The following MAPKAP1 variants were observed in gnomAD, a reference collection of about 807,000 sequenced individuals.
MAPKAP1 encodes the protein MAPK associated protein 1.
MAPKAP1 carries 20 observed loss-of-function variants against 65.7 expected under a neutral mutation model. The ratio of observed to expected loss-of-function variants is 0.30; its 90% CI spans 0.21 to 0.44. The LOEUF (loss-of-function observed/expected upper bound fraction) is 0.44. Among genes scored for constraint, MAPKAP1 ranks in the 20% least tolerant of loss-of-function variants. The probability of loss-of-function intolerance (pLI) is 1.00; values close to 1 mark genes in which losing one functional copy is unlikely to be tolerated. For missense variants in MAPKAP1, 423 were observed against 648.0 expected (o/e 0.65, Z 3.77); for synonymous variants, 222 against 244.3 (o/e 0.91, Z 0.85).
chr9:125,484,381 TC>T, intron 9 of MAPKAP1, 61 bp downstream of exon 9: 1 of 1,500,624 alleles, frequency 6.7e-7, no homozygotes, highest in Non-Finnish European at 8.9e-7. Flanking sequence ...GTTGTTTCTT[TC>T]CCCATTTCTA....
At chr9:125,660,705 T>TTC (rs1350768437) in intron 3 of MAPKAP1, among the ~76,000 whole-genome samples, 2 of 152,190 alleles carry the variant, frequency 1.3e-5, no homozygotes, top group Admixed American at 1.3e-4. Flanking sequence ...TCATCCTGAC[T>TTC]TCTCACATCC....
At position 125,564,210 on chromosome 9, in the gene MAPKAP1, T is replaced by C. The variant is rs117932240; in HGVS notation, c.672-4401A>G. Among the ~76,000 whole-genome samples, 54 of 152,332 alleles carry C rather than the reference T, an allele frequency of 3.5e-4. 1 individual carries two copies. In the East Asian group the frequency reaches 0.01, roughly 29 times the overall value. ...GGTGAGGATGAAAGGGGAATTTTTATAGTCCATCAAGATATGAATACTGGC... is the reference window on the plus strand; with the variant it reads ...GGTGAGGATGAAAGGGGAATTTTTACAGTCCATCAAGATATGAATACTGGC... On this transcript the variant is annotated intron_variant, in intron 5 of 11. Transcript: ENST00000265960.
At chr9:125,583,896 T>C (rs1010193201) in intron 5 of MAPKAP1, among the ~76,000 whole-genome samples, 10 of 152,142 alleles carry the variant, frequency 6.6e-5, no homozygotes, top group African/African-American at 2.4e-4. Context: ...ACCCCGTCTC[T>C]ACTAAAAATA....
At chr9:125,544,156 G>A (rs538968860) in intron 6 of MAPKAP1, among the ~76,000 whole-genome samples, 8 of 152,038 alleles carry the variant, frequency 5.3e-5, no homozygotes, top group South Asian at 2.1e-4. Context: ...GATTACAGGC[G>A]CCTGCCACCG....
intron 3 of MAPKAP1, among the ~76,000 whole-genome samples, chr9:125,667,595 T>C (rs1834377874): frequency 6.6e-6 from 1 of 152,210 alleles, no homozygotes; most frequent in African/African-American, 2.4e-5. Context: ...GTATTTTTAG[T>C]AGAAATGGGG....
At position 125,543,050 on chromosome 9, in the gene MAPKAP1, C is replaced by G; in HGVS notation, c.958+9G>C. ...CTACTACTGTGAGAATATGATTTAACTATCCCACCTGAAACTTTCTGGGAT... is the reference window on the plus strand; with the variant it reads ...CTACTACTGTGAGAATATGATTTAAGTATCCCACCTGAAACTTTCTGGGAT... On this transcript the variant is annotated intron_variant, in intron 7 of 11. Coordinates refer to ENST00000265960, the MANE Select transcript of MAPKAP1 (RefSeq NM_001006617.3). 6.4e-7 allele frequency: 1 copy of G among 1,560,194 alleles called. No individual in the cohort carries two copies. The highest frequency in any genetic ancestry group is 8.8e-7 in the Non-Finnish European group (1 of 1,130,772).
chr9:125,669,793 A>G lies in MAPKAP1; in HGVS notation c.349+25T>C, dbSNP rs779643984. 6 of 1,214,932 alleles carry G rather than the reference A, an allele frequency of 4.9e-6. No homozygotes were observed. In the East Asian group the frequency reaches 1.4e-4, roughly 29 times the overall value. The allele number at this position is 1,214,932 out of a possible 1,614,324, so 75.3% of individuals were successfully genotyped here. Reference sequence around the variant, plus strand: ...AAACTAAATATATAAATCTCAAATTAAGAATTAAAATCATTTCCATTTACC... The same window carrying G: ...AAACTAAATATATAAATCTCAAATTGAGAATTAAAATCATTTCCATTTACC... On this transcript the variant is annotated intron_variant, in intron 3 of 11. Coordinates refer to ENST00000265960, the MANE Select transcript of MAPKAP1 (RefSeq NM_001006617.3).
intron 6 of MAPKAP1, among the ~76,000 whole-genome samples, chr9:125,547,116 T>C (rs1830448208): frequency 6.6e-6 from 1 of 152,142 alleles, no homozygotes; most frequent in South Asian, 2.1e-4. Context: ...AAGAGACTCC[T>C]TGCTTGAGGA....
At chr9:125,575,579 C>T (rs146843471) in intron 5 of MAPKAP1, among the ~76,000 whole-genome samples, 149 of 152,254 alleles carry the variant, frequency 9.8e-4, no homozygotes, top group African/African-American at 3.5e-3. Flanking sequence ...CCAAAGAAGA[C>T]AAACGGTAAC....
intron 9 of MAPKAP1, among the ~76,000 whole-genome samples, chr9:125,474,982 C>T (rs1042613904): frequency 6.6e-6 from 1 of 152,184 alleles, no homozygotes; most frequent in South Asian, 2.1e-4. Context: ...TGAATATATA[C>T]AGCCAATCGA....
At chr9:125,658,893 T>C (rs927517875) in intron 3 of MAPKAP1, among the ~76,000 whole-genome samples, 1 of 152,104 alleles carries the variant, frequency 6.6e-6, no homozygotes, top group Non-Finnish European at 1.5e-5. Context: ...CACTTTAGCA[T>C]AGTCAAATTA....
chr9:125,495,397 T>C (rs550530788), intron 8 of MAPKAP1, among the ~76,000 whole-genome samples: 2 of 152,290 alleles, frequency 1.3e-5, no homozygotes, highest in South Asian at 4.2e-4. Context: ...ATGCCCTCAC[T>C]TAGAGCCCAG....
intron 10 of MAPKAP1, among the ~76,000 whole-genome samples, chr9:125,455,177 C>T (rs1853118676): frequency 6.6e-6 from 1 of 152,218 alleles, no homozygotes; most frequent in African/African-American, 2.4e-5. Context: ...TATGTAGCTT[C>T]TCTGAGCCCC....
Position 125,538,774 on chromosome 9 carries a change from C to G in MAPKAP1, c.958+4285G>C, listed in dbSNP as rs1039738799. On this transcript the variant is annotated intron_variant, in intron 7 of 11. Coordinates refer to ENST00000265960, the MANE Select transcript of MAPKAP1 (RefSeq NM_001006617.3). ...GCATCCTATTATTCTCCCTCTCAGC[C>G]TCTTATGTATACTCTTGCTCTAGAA... is the stretch of plus-strand genomic sequence containing the variant. 2.6e-5 allele frequency among the ~76,000 whole-genome samples: 4 copies of G among 152,128 alleles called. No individual in the cohort carries two copies. In the East Asian group the frequency reaches 5.8e-4, roughly 22 times the overall value.
At chr9:125,442,128 CAAAAAAAAAAAAAAA>C (rs71492449) in intron 11 of MAPKAP1, among the ~76,000 whole-genome samples, 3 of 38,756 alleles carry the variant, frequency 7.7e-5, no homozygotes, top group African/African-American at 2.9e-4. Flanking sequence ...GACTCTGTCT[CAAAAAAAAAAAAAAA>C]AAAAAAAAAA....
At chr9:125,645,184 T>C (rs1010892821) in intron 4 of MAPKAP1, among the ~76,000 whole-genome samples, 1 of 152,222 alleles carries the variant, frequency 6.6e-6, no homozygotes, top group Non-Finnish European at 1.5e-5. Context: ...AGCAGGCCTC[T>C]GCCCAGGCAG....
intron 5 of MAPKAP1, among the ~76,000 whole-genome samples, chr9:125,563,227 G>A (rs971377427): frequency 6.6e-6 from 1 of 152,140 alleles, no homozygotes; most frequent in Non-Finnish European, 1.5e-5. Context: ...AAGAAAGGGG[G>A]CAGCTCTGGT....
intron 10 of MAPKAP1, among the ~76,000 whole-genome samples, chr9:125,445,144 G>GC (rs1391918544): frequency 3.3e-5 from 5 of 149,264 alleles, no homozygotes; most frequent in African/African-American, 1.2e-4. Flanking sequence ...GAGGATGGGG[G>GC]CGGGGGGGGC....
intron 3 of MAPKAP1, among the ~76,000 whole-genome samples, chr9:125,660,491 C>T (rs1307788010): frequency 5.9e-5 from 9 of 152,120 alleles, no homozygotes; most frequent in Non-Finnish European, 1.5e-5. Context: ...ATGCTAGTAC[C>T]TCTCAATGGT....
Sources: allele counts gnomAD v4.1 joint callset (sites outside exome capture counted in the v4.1 genomes callset), GRCh38; gene constraint gnomAD v4.1.1; transcripts MANE v1.5; gene names NCBI Gene and HGNC (gene_info 2026-07-23, HGNC 2026-07-21).